Variants in SORBS2 observed in about 807,000 individuals in gnomAD.
SORBS2 encodes the protein sorbin and SH3 domain-containing protein 2.
SORBS2 carries 46 observed loss-of-function variants against 97.7 expected under a neutral mutation model. That is an observed-to-expected ratio of 0.47 (90% CI 0.37 to 0.60). The LOEUF is 0.60. Among genes scored for constraint, SORBS2 ranks in the 20% least tolerant of loss-of-function variants. The pLI, the probability that SORBS2 is intolerant of heterozygous loss-of-function variation, is 0.00. For synonymous variants in SORBS2, 476 were observed against 473.4 expected, an observed-to-expected ratio of 1.01 and a Z score of -0.07; for missense variants, 1,316 against 1,282.3, an observed-to-expected ratio of 1.03 and a Z score of -0.40.
At chr4:185,885,565 T>C (rs2099238982) in intron 1 of SORBS2, among the ~76,000 whole-genome samples, 1 of 152,252 alleles carries the variant, frequency 6.6e-6, no homozygotes, top group Non-Finnish European at 1.5e-5. Flanking sequence ...TTCTTTCTCA[T>C]GATCTCCTTA....
At chr4:185,854,787 GAGAGA>G (rs1190887716) in intron 1 of SORBS2, among the ~76,000 whole-genome samples, 1 of 3,234 alleles carries the variant, frequency 3.1e-4, no homozygotes, top group African/African-American at 5.4e-4. Context: ...AAATAGAGAA[GAGAGA>G]GAGAGAGAGA....
chr4:185,627,037 A>T lies in SORBS2; in HGVS notation c.447-18T>A. On this transcript the variant is annotated intron_variant, in intron 5 of 14. Coordinates refer to ENST00000418609, the Ensembl canonical transcript of SORBS2. ...TTGCAGAACTGAAAGAAGGAATCAG[A>T]TCTGTTTGATTGGCACTGGAGGAGG... 6.2e-7 allele frequency: 1 copy of T among 1,613,046 alleles called. No individual in the cohort carries two copies. Among genetic ancestry groups the T allele is most frequent in the Non-Finnish European group, 8.5e-7 (1 of 1,179,596 alleles).
intron 2 of SORBS2, among the ~76,000 whole-genome samples, chr4:185,702,218 G>T (rs79379361): frequency 6.6e-6 from 1 of 152,078 alleles, no homozygotes; most frequent in Non-Finnish European, 1.5e-5. Context: ...CAGCCTGCAC[G>T]GGACGCATGG....
rs145888723 is a variant in SORBS2, at chr4:185,819,302, G to A, written c.-337-43936C>T. On this transcript the variant is annotated intron_variant, in intron 1 of 20. Transcript: ENST00000284776. ...CTGGTTTCTATCCTCAAGAATCCTCGTGGTCCAGAATGGCTACTTGTGCTC... is the reference window on the plus strand; with the variant it reads ...CTGGTTTCTATCCTCAAGAATCCTCATGGTCCAGAATGGCTACTTGTGCTC... Among the ~76,000 whole-genome samples the A allele has an allele frequency of 5.6e-3, 852 of 152,256 alleles. 10 individuals carry two copies. The highest frequency in any genetic ancestry group is 0.027 in the Middle Eastern group (8 of 294).
intron 1 of SORBS2, among the ~76,000 whole-genome samples, chr4:185,951,267 G>A (rs374468870): frequency 5.3e-5 from 8 of 152,306 alleles, no homozygotes; most frequent in African/African-American, 1.9e-4. Flanking sequence ...GAACAGACAT[G>A]AGAAGAGTTT....
intron 1 of SORBS2, among the ~76,000 whole-genome samples, chr4:185,825,046 C>T (rs2099199006): frequency 6.6e-6 from 1 of 152,144 alleles, no homozygotes; most frequent in South Asian, 2.1e-4. Flanking sequence ...TTAATTCAGG[C>T]TCTCCGAGAT....
intron 5 of SORBS2, among the ~76,000 whole-genome samples, chr4:185,629,916 T>C (rs2096879604): frequency 6.6e-6 from 1 of 152,172 alleles, no homozygotes; most frequent in Non-Finnish European, 1.5e-5. Context: ...GGAACTTACT[T>C]CAGGCGAACT....
chr4:185,650,395 G>GA (rs966629924), intron 2 of SORBS2, among the ~76,000 whole-genome samples: 6 of 151,808 alleles, frequency 4.0e-5, no homozygotes, highest in African/African-American at 9.7e-5. Context: ...GGATGGTATA[G>GA]AAAAAAAGGC....
intron 14 of SORBS2, among the ~76,000 whole-genome samples, chr4:185,588,889 A>G (rs2095855559): frequency 6.6e-6 from 1 of 152,124 alleles, no homozygotes; most frequent in Admixed American, 6.5e-5. Flanking sequence ...TGCTAGAATT[A>G]CAGGCATGAG....
chr4:185,853,587 T>G (rs2099219100), intron 1 of SORBS2, among the ~76,000 whole-genome samples: 1 of 152,190 alleles, frequency 6.6e-6, no homozygotes, highest in Non-Finnish European at 1.5e-5. Context: ...GGGAGAAATA[T>G]GCAAACTTAT....
intron 2 of SORBS2, among the ~76,000 whole-genome samples, chr4:185,740,928 C>A (rs569238127): frequency 6.6e-6 from 1 of 152,184 alleles, no homozygotes; most frequent in Admixed American, 6.5e-5. Flanking sequence ...CCAGCACCAA[C>A]TCAAACCAGC....
chr4:185,926,810 C>T (rs2099263933), intron 1 of SORBS2, among the ~76,000 whole-genome samples: 1 of 152,030 alleles, frequency 6.6e-6, no homozygotes, highest in Admixed American at 6.6e-5. Flanking sequence ...CTTTCATCAT[C>T]ACTTTAGAGC....
intron 1 of SORBS2, among the ~76,000 whole-genome samples, chr4:185,885,334 TG>T (rs1235259932): frequency 1.3e-5 from 2 of 152,222 alleles, no homozygotes; most frequent in African/African-American, 4.8e-5. Context: ...CCCGGGCACC[TG>T]CTGTCTTTTC....
At chr4:185,922,112 T>C (rs967928178) in intron 1 of SORBS2, among the ~76,000 whole-genome samples, 3 of 152,228 alleles carry the variant, frequency 2.0e-5, no homozygotes, top group Non-Finnish European at 4.4e-5. Context: ...ATCAGGCACA[T>C]GGTAGCTGTG....
intron 4 of SORBS2, among the ~76,000 whole-genome samples, chr4:185,667,108 T>A (rs566306953): frequency 6.6e-6 from 1 of 152,318 alleles, no homozygotes; most frequent in Admixed American, 6.5e-5. Context: ...CGTAAGTGAA[T>A]AAAACTCCGA....
At chr4:185,910,715 G>T (rs1198366651) in intron 1 of SORBS2, among the ~76,000 whole-genome samples, 2 of 152,018 alleles carry the variant, frequency 1.3e-5, no homozygotes. Context: ...CGCCGAGATG[G>T]CAGGCATGAG....
rs70962587 is a variant in SORBS2, at chr4:185,709,304, C to CTTTTTTTTTTTTTTTTTTTTTTTT, written c.-197-30483_-197-30482insAAAAAAAAAAAAAAAAAAAAAAAA. 2.8e-3 allele frequency among the ~76,000 whole-genome samples: 267 copies of CTTTTTTTTTTTTTTTTTTTTTTTT among 96,710 alleles called. 27 individuals are homozygous for CTTTTTTTTTTTTTTTTTTTTTTTT. The highest frequency in any genetic ancestry group is 9.4e-3 in the African/African-American group (230 of 24,354). 63.4% of individuals were successfully genotyped at this position (96,710 alleles called of 152,430 possible). ...GCATGAGCCGCTGTGCTGGCCAAAT[C>CTTTTTTTTTTTTTTTTTTTTTTTT]TTTTTTTTTTTTTTTTTTTTAGTAA... On this transcript the variant is annotated intron_variant, in intron 2 of 20. Coordinates refer to the SORBS2 transcript ENST00000284776.
intron 1 of SORBS2, among the ~76,000 whole-genome samples, chr4:185,908,415 G>A (rs887338174): frequency 2.7e-4 from 35 of 127,740 alleles, no homozygotes; most frequent in Non-Finnish European, 4.7e-5. Flanking sequence ...GTCACCCAAA[G>A]ACATCACAAA....
rs186587305 is a variant in SORBS2 at position 185,664,435 on chromosome 4, C to T, written c.-45-2193G>A. ...TTGGTAGATTGATACCCTCTCACTG[C>T]CTTCTTTTTTTGGTTAAAGGTCCTG... is the stretch of plus-strand genomic sequence containing the variant. On this transcript the variant is annotated intron_variant, in intron 4 of 20. Coordinates refer to the SORBS2 transcript ENST00000284776. Among the ~76,000 whole-genome samples, 257 of 152,282 alleles carry T rather than the reference C, an allele frequency of 1.7e-3. 1 individual carries two copies. The highest frequency in any genetic ancestry group is 5.4e-3 in the African/African-American group (225 of 41,542).
Sources: allele counts gnomAD v4.1 joint callset (sites outside exome capture counted in the v4.1 genomes callset), GRCh38; gene constraint gnomAD v4.1.1; transcripts MANE v1.5; gene names NCBI Gene and HGNC (gene_info 2026-07-23, HGNC 2026-07-21).